HACD1: variants seen among roughly 807,000 people sequenced by gnomAD.
HACD1 encodes very-long-chain (3R)-3-hydroxyacyl-CoA dehydratase 1.
HACD1 carries 41 observed loss-of-function variants against 32.0 expected under a neutral mutation model. That is an observed-to-expected ratio of 1.28 (90% CI 1.00 to 1.66). HACD1 has a LOEUF of 1.66. HACD1 is among the 40% of genes most tolerant of loss of function. HACD1 has a pLI of 0.00. For missense variants in HACD1, 396 were observed against 380.1 expected (o/e 1.04, Z -0.35); for synonymous variants, 142 against 139.0 (o/e 1.02, Z -0.15).
intron 1 of HACD1, among the ~76,000 whole-genome samples, chr10:17,605,298 G>C (rs1430520627): frequency 6.6e-6 from 1 of 152,152 alleles, no homozygotes; most frequent in Non-Finnish European, 1.5e-5. Flanking sequence ...GCCGAGGCAG[G>C]TGGATCACCT....
intron 5 of HACD1, among the ~76,000 whole-genome samples, chr10:17,596,245 AGAT>A (rs1246180920): frequency 6.6e-6 from 1 of 152,248 alleles, no homozygotes; most frequent in Non-Finnish European, 1.5e-5. Flanking sequence ...TTGCCAAAAT[AGAT>A]GAGCTATTCA....
chr10:17,612,647 G>A (rs1461265338), intron 1 of HACD1, among the ~76,000 whole-genome samples: 2 of 152,110 alleles, frequency 1.3e-5, no homozygotes, highest in East Asian at 1.9e-4. Context: ...GGGGCCGGGC[G>A]CGGTGGCTCA....
Position 17,597,099 on chromosome 10 carries a change from G to C in HACD1, c.605+2191C>G, listed in dbSNP as rs975435741. On this transcript the variant is annotated intron_variant, in intron 5 of 6. Coordinates refer to ENST00000361271, the MANE Select transcript of HACD1 (RefSeq NM_014241.4). ...ACTGACAAAGTATTATGTAACATAT[G>C]ATTTCAAAGCTGAAAGACTGTATAA... Among the ~76,000 whole-genome samples the C allele has an allele frequency of 2.0e-5, 3 of 152,154 alleles. No homozygotes were observed. The South Asian group carries it at 6.2e-4, about 31-fold the overall frequency.
At chr10:17,613,769 G>A (rs917945506) in intron 1 of HACD1, among the ~76,000 whole-genome samples, 18 of 152,196 alleles carry the variant, frequency 1.2e-4, no homozygotes, top group Non-Finnish European at 2.1e-4. Context: ...ACCAGGTAAG[G>A]CAGGAGACCC....
At chr10:17,595,134 C>A (rs1833980126) in intron 5 of HACD1, among the ~76,000 whole-genome samples, 1 of 152,164 alleles carries the variant, frequency 6.6e-6, no homozygotes, top group African/African-American at 2.4e-5. Flanking sequence ...GCTGGGATTA[C>A]AGACATGAGC....
chr10:17,595,067 C>A (rs1554815912), intron 5 of HACD1, among the ~76,000 whole-genome samples: 1 of 151,996 alleles, frequency 6.6e-6, no homozygotes, highest in Non-Finnish European at 1.5e-5. Flanking sequence ...CCATGTTGGT[C>A]AGGCTGGTCT....
intron 5 of HACD1, 133 bp from the exon 6 acceptor site, chr10:17,594,516 A>C: frequency 1.6e-6 from 1 of 640,808 alleles, no homozygotes; most frequent in Non-Finnish European, 2.3e-6. Flanking sequence ...AACCTTACGT[A>C]AGGTTAATAG....
intron 5 of HACD1, among the ~76,000 whole-genome samples, chr10:17,595,075 T>C (rs1833979289): frequency 1.3e-5 from 2 of 151,728 alleles, no homozygotes; most frequent in East Asian, 1.9e-4. Context: ...GTCAGGCTGG[T>C]CTTGAACTCC....
At chr10:17,591,645 A>T (rs1371408208) in intron 6 of HACD1, among the ~76,000 whole-genome samples, 2 of 152,250 alleles carry the variant, frequency 1.3e-5, no homozygotes, top group East Asian at 3.8e-4. Context: ...ATGTTGGTGG[A>T]TAAACAAATT....
At position 17,613,097 on chromosome 10, in the gene HACD1, G is replaced by GGTGTGT. The variant is rs56074507; in HGVS notation, c.257+3980_257+3985dup. 1.6e-3 allele frequency among the ~76,000 whole-genome samples: 219 copies of GGTGTGT among 132,876 alleles called. 1 individual carries two copies. The highest frequency in any genetic ancestry group is 2.8e-3 in the Admixed American group (35 of 12,604). 87.2% of individuals were successfully genotyped at this position (132,876 alleles called of 152,430 possible). A position where few individuals can be genotyped will look rare whatever the true frequency, so the allele number is the denominator to read the frequency against. On this transcript the variant is annotated intron_variant, in intron 1 of 6. Transcript: ENST00000361271. Reference sequence around the variant, plus strand: ...ACTATTCCGTTGCTTTGCAATTTGGGGTGTGTGTGTGTGTGTGTGTGTGTG... The same window carrying GGTGTGT: ...ACTATTCCGTTGCTTTGCAATTTGGGGTGTGTGTGTGTGTGTGTGTGTGTGTGTGTG...
At chr10:17,600,576 T>A (rs1396477518) in intron 4 of HACD1, among the ~76,000 whole-genome samples, 1 of 152,106 alleles carries the variant, frequency 6.6e-6, no homozygotes, top group Non-Finnish European at 1.5e-5. Context: ...TCTGCTTGCC[T>A]CAGCCTCCCA....
chr10:17,590,335 G>A lies in HACD1; in HGVS notation c.*29C>T. ...GGACTCAGGTAATCTTGGTTATTCT[G>A]GAAAAAGCACCTTGTTTGCAGAGAT... On this transcript the variant is annotated 3_prime_UTR_variant, in exon 7 of 7. Transcript: ENST00000361271. 6.7e-7 allele frequency: 1 copy of A among 1,486,916 alleles called. No individual in the cohort carries two copies. Among genetic ancestry groups the A allele is most frequent in the Non-Finnish European group, 9.2e-7 (1 of 1,092,538 alleles). 92.1% of individuals were successfully genotyped at this position (1,486,916 alleles called of 1,614,324 possible). A position where few individuals can be genotyped will look rare whatever the true frequency, so the allele number is the denominator to read the frequency against.
At chr10:17,592,593 GA>G (rs1833943061) in intron 6 of HACD1, among the ~76,000 whole-genome samples, 1 of 152,058 alleles carries the variant, frequency 6.6e-6, no homozygotes, top group Non-Finnish European at 1.5e-5. Flanking sequence ...CAGGACAACT[GA>G]AAAAGGTGCT....
At chr10:17,598,830 TA>T (rs1564506301) in intron 5 of HACD1, among the ~76,000 whole-genome samples, 1 of 152,186 alleles carries the variant, frequency 6.6e-6, no homozygotes, top group East Asian at 1.9e-4. Context: ...CAATTTTAAG[TA>T]AGTGTGACTT....
chr10:17,605,442 T>A lies in HACD1; in HGVS notation c.258-1395A>T, dbSNP rs1204108369. Reference sequence around the variant, plus strand: ...CCGGAGGCTGAGGCAGGAGAATTGCTCCAACCTGGGAAGTGGAGGTTGCAG... The same window carrying A: ...CCGGAGGCTGAGGCAGGAGAATTGCACCAACCTGGGAAGTGGAGGTTGCAG... On this transcript the variant is annotated intron_variant, in intron 1 of 6. Coordinates refer to ENST00000361271, the MANE Select transcript of HACD1 (RefSeq NM_014241.4). Among the ~76,000 whole-genome samples, 5 of 149,982 alleles carry A rather than the reference T, an allele frequency of 3.3e-5. No homozygotes were observed. The East Asian group carries it at 7.9e-4, about 24-fold the overall frequency.
chr10:17,602,039 G>T (rs1834077180), intron 4 of HACD1, among the ~76,000 whole-genome samples: 5 of 151,646 alleles, frequency 3.3e-5, no homozygotes, highest in Admixed American at 3.3e-4. Context: ...GGTCAGAAGG[G>T]TTGACATAGG....
rs34058469 is a variant in HACD1 at position 17,612,105 on chromosome 10, CAAAA to C, written c.257+4974_257+4977del. 3.9e-3 allele frequency among the ~76,000 whole-genome samples: 414 copies of C among 105,024 alleles called. 4 individuals carry two copies. Among genetic ancestry groups the C allele is most frequent in the Admixed American group, 0.025 (242 of 9,796 alleles). 68.9% of individuals were successfully genotyped at this position (105,024 alleles called of 152,430 possible). On this transcript the variant is annotated intron_variant, in intron 1 of 6. Coordinates refer to ENST00000361271, the MANE Select transcript of HACD1 (RefSeq NM_014241.4). ...TAGGCAACAAAGCTAAACTCCATCT[CAAAA>C]AAAAAAAAAAAAAAAAAAAAACCCT... is the stretch of plus-strand genomic sequence containing the variant.
intron 1 of HACD1, among the ~76,000 whole-genome samples, chr10:17,604,944 G>T (rs1554816925): frequency 6.6e-6 from 1 of 152,126 alleles, no homozygotes; most frequent in Non-Finnish European, 1.5e-5. Context: ...GAACTCAAGT[G>T]ATCCATCCAC....
chr10:17,594,013 T>A (rs963361108), intron 6 of HACD1, among the ~76,000 whole-genome samples, 192 bp downstream of exon 6: 3 of 152,230 alleles, frequency 2.0e-5, no homozygotes, highest in African/African-American at 7.2e-5. Context: ...TTTATTCTCA[T>A]AGCTAATGAA....
Sources: allele counts gnomAD v4.1 joint callset (sites outside exome capture counted in the v4.1 genomes callset), GRCh38; gene constraint gnomAD v4.1.1; transcripts MANE v1.5; gene names NCBI Gene and HGNC (gene_info 2026-07-23, HGNC 2026-07-21).